The following RGS3 variants were observed in gnomAD, a reference collection of about 807,000 sequenced individuals.
The protein encoded by RGS3 is regulator of G protein signaling 3.
In RGS3, 80 loss-of-function variants were observed where a neutral mutation model predicts 132.6. That is an observed-to-expected ratio of 0.60 (90% CI 0.50 to 0.73). The LOEUF (loss-of-function observed/expected upper bound fraction) is 0.73. Ranked by LOEUF, RGS3 falls within the 30% of genes least tolerant of loss-of-function variation. The pLI, the probability that RGS3 is intolerant of heterozygous loss-of-function variation, is 0.00. For missense variants in RGS3, 1,382 were observed against 1,530.8 expected, an observed-to-expected ratio of 0.90 and a Z score of 1.62; for synonymous variants, 598 against 620.6, an observed-to-expected ratio of 0.96 and a Z score of 0.54.
chr9:113,566,537 T>G (rs1325628947), intron 19 of RGS3, among the ~76,000 whole-genome samples: 1 of 152,184 alleles, frequency 6.6e-6, no homozygotes, highest in Admixed American at 6.5e-5. Flanking sequence ...TGTCCAAGTT[T>G]GAGCAGCAGG....
intron 19 of RGS3, among the ~76,000 whole-genome samples, chr9:113,568,265 C>T (rs942078735): frequency 1.3e-5 from 2 of 152,224 alleles, no homozygotes; most frequent in Admixed American, 6.5e-5. Flanking sequence ...TCTGGACTCA[C>T]CAGTGACATG....
chr9:113,446,372 G>T (rs1829100751), intron 1 of RGS3, among the ~76,000 whole-genome samples: 1 of 152,132 alleles, frequency 6.6e-6, no homozygotes, highest in South Asian at 2.1e-4. Context: ...GTCATTCCCA[G>T]GAATATAGCT....
intron 14 of RGS3, among the ~76,000 whole-genome samples, chr9:113,511,657 G>A (rs2119351354): frequency 6.6e-6 from 1 of 152,288 alleles, no homozygotes; most frequent in Non-Finnish European, 1.5e-5. Context: ...GGCCCTTGGT[G>A]AGGATTCTGT....
At chr9:113,499,779 G>C (rs945720397) in intron 10 of RGS3, among the ~76,000 whole-genome samples, 1 of 152,192 alleles carries the variant, frequency 6.6e-6, no homozygotes, top group South Asian at 2.1e-4. Context: ...AGTGTGACTG[G>C]GGAACTGAGT....
chr9:113,544,568 A>G (rs1191171887), intron 19 of RGS3, among the ~76,000 whole-genome samples: 1 of 152,230 alleles, frequency 6.6e-6, no homozygotes, highest in Non-Finnish European at 1.5e-5. Flanking sequence ...GCAAAGTGAA[A>G]ATGCAGGCAA....
intron 19 of RGS3, among the ~76,000 whole-genome samples, chr9:113,548,156 C>T (rs1404595691): frequency 6.6e-6 from 1 of 152,146 alleles, no homozygotes; most frequent in South Asian, 2.1e-4. Flanking sequence ...GATTAACAAG[C>T]TAGGTTGTAG....
At chr9:113,555,180 T>C (rs1328744954) in intron 19 of RGS3, among the ~76,000 whole-genome samples, 1 of 152,244 alleles carries the variant, frequency 6.6e-6, no homozygotes, top group East Asian at 1.9e-4. Context: ...TTAGACTTAA[T>C]GACTTTAGCT....
chr9:113,572,512 T>A (rs1165774367), intron 19 of RGS3, among the ~76,000 whole-genome samples: 1 of 151,594 alleles, frequency 6.6e-6, no homozygotes, highest in Admixed American at 6.6e-5. Context: ...AAAAAGCCTC[T>A]TTTTTTTACT....
Position 113,516,538 on chromosome 9 carries a change from T to C in RGS3, c.1675-1003T>C, listed in dbSNP as rs1050790058. On this transcript the variant is annotated intron_variant, in intron 15 of 24. Coordinates refer to ENST00000350696, the Ensembl canonical transcript of RGS3. ...ATGCCTGGCTAGTTTTTTGTATTTTTAGTAGAGACGGGGTTTTACCATGTT... is the reference window on the plus strand; with the variant it reads ...ATGCCTGGCTAGTTTTTTGTATTTTCAGTAGAGACGGGGTTTTACCATGTT... 5.9e-5 allele frequency among the ~76,000 whole-genome samples: 9 copies of C among 151,900 alleles called. No homozygotes were observed. In the South Asian group the frequency reaches 8.3e-4, roughly 14 times the overall value.
rs2119178717 is a variant in RGS3 at position 113,468,514 on chromosome 9, G to T, written c.415+6313G>T. Among the ~76,000 whole-genome samples, 2 of 152,122 alleles carry T rather than the reference G, an allele frequency of 1.3e-5. 1 individual carries two copies. The highest frequency in any genetic ancestry group is 6.8e-3 in the Middle Eastern group (2 of 294). On this transcript the variant is annotated intron_variant, in intron 3 of 24. Transcript: ENST00000350696. The stretch of plus-strand genomic sequence containing the variant: ...CTCCAATTTTGTTCTTCTCTTTCAA[G>T]ATCATTTTGGCTGTCCTGGGTCCCT...
Position 113,591,520 on chromosome 9 carries a change from A to C in RGS3, c.3080+123A>C. 1 of 841,404 alleles carries C rather than the reference A, an allele frequency of 1.2e-6. No homozygotes were observed. Among genetic ancestry groups the C allele is most frequent in the Non-Finnish European group, 2.0e-6 (1 of 503,068 alleles). 52.1% of individuals were successfully genotyped at this position (841,404 alleles called of 1,614,324 possible). A position where few individuals can be genotyped will look rare whatever the true frequency, so the allele number is the denominator to read the frequency against. On this transcript the variant is annotated intron_variant, in intron 21 of 24. Coordinates refer to ENST00000350696, the Ensembl canonical transcript of RGS3. This position sits in a 1 kb window ranked among gnomAD's most constrained non-coding sequence, Gnocchi z 4.4. ...CCTGGTCCCGCCCACAACCCCAGAC[A>C]GACACCAAGGAAAAACTGGATCTTG...
At chr9:113,470,297 A>G in intron 3 of RGS3, among the ~76,000 whole-genome samples, 1 of 152,150 alleles carries the variant, frequency 6.6e-6, no homozygotes, top group East Asian at 1.9e-4. Flanking sequence ...AATATTCCGT[A>G]TCCTTGTTGA....
chr9:113,532,735 G>C (rs1478055331), intron 18 of RGS3, among the ~76,000 whole-genome samples: 1 of 152,178 alleles, frequency 6.6e-6, no homozygotes, highest in Non-Finnish European at 1.5e-5. Context: ...GGATTTGAGG[G>C]GGCTGCCTCA....
intron 19 of RGS3, among the ~76,000 whole-genome samples, chr9:113,570,728 C>T (rs1469168006): frequency 6.6e-6 from 1 of 152,126 alleles, no homozygotes; most frequent in African/African-American, 2.4e-5. Flanking sequence ...CCTCCATCTC[C>T]CAGGTTCAAG....
Position 113,506,529 on chromosome 9 carries a change from C to A in RGS3, c.1085+36C>A. 1 of 1,387,764 alleles carries A rather than the reference C, an allele frequency of 7.2e-7. No individual in the cohort carries two copies. Among genetic ancestry groups the A allele is most frequent in the Non-Finnish European group, 1.0e-6 (1 of 995,738 alleles). The allele number at this position is 1,387,764 out of a possible 1,614,324, so 86.0% of individuals were successfully genotyped here. ...ACAGCGGGTGGCCTGGGGCCTCAGG[C>A]TGATGGCACACCCTCCCCACCCCTG... On this transcript the variant is annotated intron_variant, in intron 12 of 24. Coordinates refer to ENST00000350696, the Ensembl canonical transcript of RGS3. This position sits in a 1 kb window ranked among gnomAD's most constrained non-coding sequence, Gnocchi z 4.7.
rs923590006 is a variant in RGS3, at chr9:113,463,025, C to G, written c.415+824C>G. On this transcript the variant is annotated intron_variant, in intron 3 of 24. Transcript: ENST00000350696. The surrounding 1 kb of genome is among the most constrained non-coding windows in gnomAD (Gnocchi z 4.6). Reference sequence around the variant, plus strand: ...GGGTTTGACCTTCCAGCTCTGCCTCCCCGCACCAGGCTGGGGGATTCACCC... The same window carrying G: ...GGGTTTGACCTTCCAGCTCTGCCTCGCCGCACCAGGCTGGGGGATTCACCC... Among the ~76,000 whole-genome samples the G allele has an allele frequency of 6.6e-6, 1 of 152,190 alleles. No homozygotes were observed. Among genetic ancestry groups the G allele is most frequent in the Non-Finnish European group, 1.5e-5 (1 of 68,034 alleles).
At chr9:113,458,173 T>C (rs1012762680), upstream of RGS3, among the ~76,000 whole-genome samples, 3 of 152,234 alleles carry the variant, frequency 2.0e-5, no homozygotes, top group African/African-American at 2.4e-5. Flanking sequence ...TGCCTTGGCC[T>C]CCCAAAGTCC....
chr9:113,589,486 C>G (rs553594974), intron 20 of RGS3, among the ~76,000 whole-genome samples: 13 of 152,244 alleles, frequency 8.5e-5, no homozygotes, highest in Admixed American at 1.3e-4. Flanking sequence ...CTCCTCCCCA[C>G]AGTGGAAGGA....
chr9:113,484,219 G>C, exon 6 of RGS3: 1 of 1,600,240 alleles, frequency 6.2e-7, no homozygotes. Flanking sequence ...GGCTTTCCAC[G>C]AGCACTTCTT....
Sources: gnomAD v4.1 joint callset for allele counts (sites outside exome capture counted in the v4.1 genomes callset) on GRCh38, gnomAD v4.1.1 for gene constraint, Gnocchi (gnomAD v3.1) non-coding constraint, MANE v1.5 for transcripts, NCBI Gene and HGNC (gene_info 2026-07-23, HGNC 2026-07-21) for gene names.